The following AHI1 variants were observed in gnomAD, a reference collection of about 807,000 sequenced individuals.
AHI1 encodes the protein jouberin.
In AHI1, 123 loss-of-function variants were observed where a neutral mutation model predicts 149.3. The observed-to-expected ratio is 0.82, with a 90% confidence interval of 0.71 to 0.96. The LOEUF is 0.96. Among genes scored for constraint, AHI1 ranks in the 40% least tolerant of loss-of-function variants. The pLI is 0.00. For missense variants in AHI1, 1,439 were observed against 1,422.7 expected (o/e 1.01, Z -0.18); for synonymous variants, 475 against 459.8 (o/e 1.03, Z -0.42).
rs538121302 is a variant in AHI1 at position 135,494,716 on chromosome 6, T to C, written c.-55+1098A>G. Among the ~76,000 whole-genome samples, 83 of 152,238 alleles carry C rather than the reference T, an allele frequency of 5.5e-4. 1 individual carries two copies. The highest frequency in any genetic ancestry group is 1.9e-3 in the African/African-American group (77 of 41,532). ...AGCAGGGAGACAATAGGCTGAAGAT[T>C]TGGGAGTTATTTATAAATATGATAG... On this transcript the variant is annotated intron_variant, in intron 3 of 28. Coordinates refer to ENST00000265602, the MANE Select transcript of AHI1 (RefSeq NM_001134831.2).
chr6:135,437,041 C>T (rs1449380672), intron 15 of AHI1, among the ~76,000 whole-genome samples: 1 of 152,138 alleles, frequency 6.6e-6, no homozygotes, highest in Non-Finnish European at 1.5e-5. Context: ...CAGTCACGTG[C>T]CTCTTTGTTA....
chr6:135,482,591 T>C (rs1793837789), intron 5 of AHI1, among the ~76,000 whole-genome samples: 1 of 150,824 alleles, frequency 6.6e-6, no homozygotes, highest in Non-Finnish European at 1.5e-5. Context: ...TTTGAATACT[T>C]TTATTTTTTT....
At chr6:135,316,361 A>C (rs1785947523) in intron 26 of AHI1, among the ~76,000 whole-genome samples, 1 of 152,050 alleles carries the variant, frequency 6.6e-6, no homozygotes, top group Admixed American at 6.6e-5. Flanking sequence ...TCAAAGTGAA[A>C]CTTTGAGAAT....
chr6:135,479,183 G>A (rs927189483), intron 5 of AHI1, among the ~76,000 whole-genome samples: 11 of 152,096 alleles, frequency 7.2e-5, no homozygotes, highest in African/African-American at 2.4e-4. Flanking sequence ...GTCTCCACTG[G>A]GGCACTGCCT....
intron 26 of AHI1, among the ~76,000 whole-genome samples, chr6:135,318,036 C>T (rs1786242114): frequency 6.6e-6 from 1 of 152,228 alleles, no homozygotes; most frequent in Non-Finnish European, 1.5e-5. Context: ...CATGACATTT[C>T]TCTGGCTACT....
intron 5 of AHI1, among the ~76,000 whole-genome samples, chr6:135,484,909 C>T (rs1794246540): frequency 6.6e-6 from 1 of 152,038 alleles, no homozygotes; most frequent in Non-Finnish European, 1.5e-5. Context: ...AATGTTAAAC[C>T]AGCCAGCCAT....
chr6:135,339,385 T>C (rs1372069917), intron 24 of AHI1, among the ~76,000 whole-genome samples: 2 of 152,162 alleles, frequency 1.3e-5, no homozygotes, highest in African/African-American at 2.4e-5. Context: ...ACTAGACAAA[T>C]ATTTTAAATA....
At chr6:135,314,000 G>A (rs546681339) in intron 26 of AHI1, among the ~76,000 whole-genome samples, 3 of 152,148 alleles carry the variant, frequency 2.0e-5, no homozygotes, top group Non-Finnish European at 4.4e-5. Flanking sequence ...CAGACTAAAA[G>A]TATTGTTAGC....
intron 5 of AHI1, among the ~76,000 whole-genome samples, chr6:135,469,710 T>C (rs1182848035): frequency 6.6e-6 from 1 of 152,066 alleles, no homozygotes; most frequent in African/African-American, 2.4e-5. Flanking sequence ...AAACAACCAA[T>C]AGGGAAAGGA....
At chr6:135,442,537 C>T in intron 14 of AHI1, 45 bp downstream of exon 14, 1 of 1,542,908 alleles carries the variant, frequency 6.5e-7, no homozygotes, top group Non-Finnish European at 8.8e-7. Flanking sequence ...AGAATGTCCT[C>T]CACGTGGACT....
chr6:135,338,054 T>G (rs1789672160), intron 24 of AHI1, among the ~76,000 whole-genome samples: 1 of 151,940 alleles, frequency 6.6e-6, no homozygotes, highest in African/African-American at 2.4e-5. Flanking sequence ...TCCCAGCACT[T>G]TCGGAGGCCG....
At chr6:135,408,472 A>G (rs1017746056) in intron 21 of AHI1, among the ~76,000 whole-genome samples, 1 of 152,004 alleles carries the variant, frequency 6.6e-6, no homozygotes, top group Non-Finnish European at 1.5e-5. Context: ...TTATAGTTAT[A>G]TATTCTAAAA....
chr6:135,344,533 AG>A (rs1286037264), intron 24 of AHI1, among the ~76,000 whole-genome samples: 1 of 151,956 alleles, frequency 6.6e-6, no homozygotes, highest in Non-Finnish European at 1.5e-5. Context: ...ACTATTAACA[AG>A]GAATGATGTT....
intron 22 of AHI1, among the ~76,000 whole-genome samples, chr6:135,399,866 C>T (rs1779770326): frequency 6.6e-6 from 1 of 151,650 alleles, no homozygotes; most frequent in South Asian, 2.1e-4. Context: ...TCCAGTTAAG[C>T]CAGTCTTCCA....
rs139871760 is a variant in AHI1 at position 135,474,879 on chromosome 6, C to T, written c.136-7245G>A. On this transcript the variant is annotated intron_variant, in intron 5 of 28. Transcript: ENST00000265602. ...AGGATTTTGGTATGTATTTTTCTTG[C>T]AATCTTTGTCTGGCTTTGGCAGCTG... Among the ~76,000 whole-genome samples, 501 of 152,240 alleles carry T rather than the reference C, an allele frequency of 3.3e-3. 3 individuals carry two copies. Among genetic ancestry groups the T allele is most frequent in the African/African-American group, 0.011 (460 of 41,538 alleles).
At chr6:135,347,589 A>G (rs1246195070) in intron 24 of AHI1, among the ~76,000 whole-genome samples, 1 of 152,236 alleles carries the variant, frequency 6.6e-6, no homozygotes, top group African/African-American at 2.4e-5. Flanking sequence ...TAGAATTATT[A>G]TGACATTCAA....
At chr6:135,483,300 G>T (rs1794001941) in intron 5 of AHI1, among the ~76,000 whole-genome samples, 1 of 151,940 alleles carries the variant, frequency 6.6e-6, no homozygotes, top group Admixed American at 6.6e-5. Context: ...CTAAATCCAG[G>T]CCAGCACTTA....
At chr6:135,344,492 T>C (rs1210410433) in intron 24 of AHI1, among the ~76,000 whole-genome samples, 2 of 151,784 alleles carry the variant, frequency 1.3e-5, no homozygotes, top group Non-Finnish European at 2.9e-5. Context: ...AAGAGTTAGG[T>C]ATAATTATTA....
chr6:135,420,858 C>A (rs1783049398), intron 20 of AHI1, among the ~76,000 whole-genome samples: 1 of 152,190 alleles, frequency 6.6e-6, no homozygotes, highest in Non-Finnish European at 1.5e-5. Flanking sequence ...CTATACGGCA[C>A]AAAAGTCTTA....
Sources: gnomAD v4.1 joint callset for allele counts (sites outside exome capture counted in the v4.1 genomes callset) on GRCh38, gnomAD v4.1.1 for gene constraint, MANE v1.5 for transcripts, NCBI Gene and HGNC (gene_info 2026-07-23, HGNC 2026-07-21) for gene names.